FICD: variants seen among roughly 807,000 people sequenced by gnomAD.
FICD encodes the protein protein adenylyltransferase FICD.
In FICD, 13 loss-of-function variants were observed where a neutral mutation model predicts 28.0. The ratio of observed to expected loss-of-function variants is 0.46; its 90% confidence interval spans 0.30 to 0.74. FICD has a LOEUF of 0.74. Among genes scored for constraint, FICD ranks in the 30% least tolerant of loss-of-function variants. FICD has a pLI of 0.07. For synonymous variants in FICD, 268 were observed against 266.4 expected (o/e 1.01, Z -0.06); for missense variants, 576 against 624.5 (o/e 0.92, Z 0.83).
chr12:108,517,388 C>G (rs1177624073), intron 2 of FICD, 115 bp downstream of exon 2: 3 of 809,322 alleles, frequency 3.7e-6, no homozygotes, highest in Non-Finnish European at 5.3e-6. Context: ...GCCCTGAGCT[C>G]CTAGTATAGA....
chr12:108,518,696 AG>A lies in FICD; in HGVS notation c.599del (p.Ser200ThrfsTer3), dbSNP rs1565852935. On this transcript the variant is annotated frameshift_variant, in exon 3 of 3. Coordinates refer to ENST00000552695, the MANE Select transcript of FICD (RefSeq NM_007076.3). LOFTEE classifies it high-confidence loss of function. The surrounding 1 kb of genome is among the most constrained non-coding windows in gnomAD (Gnocchi z 4.4). ...CCAGAGGTATTTCAGCATCATCGAC[AG>A]CAAAGTGAAGAAGGTCATGTCCATC... ...IDQRYFSIIDSKVKKVMSIPK... is the reference protein window; with the variant it reads ...IDQRYFSIIDXKVKKVMSIPK... 1.2e-6 allele frequency: 2 copies of A among 1,614,228 alleles called. No individual in the cohort carries two copies. The highest frequency in any genetic ancestry group is 8.5e-7 in the Non-Finnish European group (1 of 1,180,046).
rs1871966972 is a variant in FICD, at chr12:108,518,164, A to G, written c.302-236A>G. ...CCAAGGAGGTGCCTCCCAGAATACA[A>G]GAGAGTGGCTCTGGGGACACACGGA... On this transcript the variant is annotated intron_variant, in intron 2 of 2. Coordinates refer to ENST00000552695, the MANE Select transcript of FICD (RefSeq NM_007076.3). The surrounding 1 kb of genome is among the most constrained non-coding windows in gnomAD (Gnocchi z 4.4). The G allele has an allele frequency of 1.4e-6, 1 of 702,582 alleles. No individual in the cohort carries two copies. The allele number at this position is 702,582 out of a possible 1,614,324, so 43.5% of individuals were successfully genotyped here. A position where few individuals can be genotyped will look rare whatever the true frequency, so the allele number is the denominator to read the frequency against.
rs561203857 is a variant in FICD, at chr12:108,517,602, C to T, written c.301+329C>T. ...AGGTTAGTTGTCATAACTGACATAACTGTCGTAAGAGAGCCTGGGGGCATT... is the reference window on the plus strand; with the variant it reads ...AGGTTAGTTGTCATAACTGACATAATTGTCGTAAGAGAGCCTGGGGGCATT... On this transcript the variant is annotated intron_variant, in intron 2 of 2. Coordinates refer to ENST00000552695, the MANE Select transcript of FICD (RefSeq NM_007076.3). 6 of 421,162 alleles carry T rather than the reference C, an allele frequency of 1.4e-5. 1 individual carries two copies. The South Asian group carries it at 5.8e-4, about 40-fold the overall frequency. The allele number at this position is 421,162 out of a possible 1,614,324, so 26.1% of individuals were successfully genotyped here.
intron 2 of FICD, chr12:108,517,515 G>T: frequency 2.4e-6 from 1 of 418,454 alleles, no homozygotes. Context: ...GGACCCAGTT[G>T]TTAAGTAGGA....
rs2136653677 is a variant in FICD, at chr12:108,519,142, A to G, written c.1044A>G (p.Pro348=). 1 of 1,614,232 alleles carries G rather than the reference A, an allele frequency of 6.2e-7. No homozygotes were observed. The highest frequency in any genetic ancestry group is 1.1e-5 in the South Asian group (1 of 91,090). ...CCGAGGAAGCCATGAACCTGCACCC[A>G]GTGGAGTTTGCAGCCTTAGCCCATT... ...LNSEEAMNLH[P]VEFAALAHYK... Residue 348 remains proline (P), a synonymous_variant, in exon 3 of 3, where the codon CCA becomes CCG. Coordinates refer to ENST00000552695, the MANE Select transcript of FICD (RefSeq NM_007076.3). This position sits in a 1 kb window ranked among gnomAD's most constrained non-coding sequence, Gnocchi z 4.5.
chr12:108,517,213 G>A lies in FICD; in HGVS notation c.241G>A (p.Glu81Lys), dbSNP rs1403419602. 6.3e-7 allele frequency: 1 copy of A among 1,577,540 alleles called. No individual in the cohort carries two copies. Among genetic ancestry groups the A allele is most frequent in the Non-Finnish European group, 8.6e-7 (1 of 1,161,012 alleles). Residue 81 changes from glutamate (E) to lysine (K), a missense_variant, in exon 2 of 3, where the codon GAG becomes AAG. Glu to Lys is a moderately conservative substitution (Grantham distance 56). Coordinates refer to ENST00000552695, the MANE Select transcript of FICD (RefSeq NM_007076.3). ...CACCAAGTGCACCAGCCCGTCCACGGAGCTCAGCATCACCTCCAGGGGCGC... is the reference window on the plus strand; with the variant it reads ...CACCAAGTGCACCAGCCCGTCCACGAAGCTCAGCATCACCTCCAGGGGCGC... ...AATKCTSPST[E>K]LSITSRGATL...
rs1358281908 is a variant in FICD at position 108,518,974 on chromosome 12, G to T, written c.876G>T (p.Glu292Asp). The T allele has an allele frequency of 6.2e-7, 1 of 1,614,106 alleles. No individual in the cohort carries two copies. Among genetic ancestry groups the T allele is most frequent in the African/African-American group, 1.3e-5 (1 of 74,938 alleles). ...CCGTCACCATCAGCGACGTGCTGGA[G>T]ATCCACAGGCGGGTGCTGGGCTACG... ...IGSVTISDVL[E>D]IHRRVLGYVD... The change falls in exon 3 of 3, where the codon GAG becomes GAT. Residue 292 changes from glutamate to aspartate, a missense_variant. Physicochemically the swap from Glu to Asp is conservative, Grantham distance 45. Coordinates refer to ENST00000552695, the MANE Select transcript of FICD (RefSeq NM_007076.3). This position sits in a 1 kb window ranked among gnomAD's most constrained non-coding sequence, Gnocchi z 4.4.
At chr12:108,517,463 G>T (rs1871945820) in intron 2 of FICD, 190 bp downstream of exon 2, 2 of 465,382 alleles carry the variant, frequency 4.3e-6, no homozygotes, top group Non-Finnish European at 3.6e-6. Flanking sequence ...GGCTGTAGGA[G>T]CATACCAGGA....
chr12:108,519,187 C>T lies in FICD; in HGVS notation c.1089C>T (p.His363=), dbSNP rs1872021096. The change falls in exon 3 of 3, where the codon CAC becomes CAT. Residue 363 remains histidine (H), a synonymous_variant. Transcript: ENST00000552695. The surrounding 1 kb of genome is among the most constrained non-coding windows in gnomAD (Gnocchi z 4.5). ...CCCATTATAAACTCGTTTACATCCACCCTTTCATTGATGGCAACGGGAGGA... is the reference window on the plus strand; with the variant it reads ...CCCATTATAAACTCGTTTACATCCATCCTTTCATTGATGGCAACGGGAGGA... The part of the protein sequence containing the change: ...ALAHYKLVYI[H]PFIDGNGRTS... 6.2e-7 allele frequency: 1 copy of T among 1,614,248 alleles called. No individual in the cohort carries two copies. Among genetic ancestry groups the T allele is most frequent in the African/African-American group, 1.3e-5 (1 of 75,070 alleles).
chr12:108,517,747 C>T (rs1871953285), intron 2 of FICD, among the ~76,000 whole-genome samples: 1 of 152,078 alleles, frequency 6.6e-6, no homozygotes, highest in South Asian at 2.1e-4. Context: ...GTGGTGGGGA[C>T]TGAAAGTGCA....
Position 108,517,181 on chromosome 12 carries a change from A to C in FICD, c.209A>C (p.His70Pro). 6.3e-6 allele frequency: 10 copies of C among 1,597,038 alleles called. No homozygotes were observed. The highest frequency in any genetic ancestry group is 8.5e-6 in the Non-Finnish European group (10 of 1,170,864). Residue 70 changes from histidine to proline, a missense_variant, in exon 2 of 3, where the codon CAT becomes CCT. Transcript: ENST00000552695. ...LLRSKPDRAQ[H>P]AATKCTSPST... ...AGGAGCAAACCGGACAGGGCGCAGC[A>C]TGCCGCCACCAAGTGCACCAGCCCG... is the stretch of plus-strand genomic sequence containing the variant.
rs1455130774 is a variant in FICD at position 108,516,950 on chromosome 12, A to G, written c.-23A>G. The G allele has an allele frequency of 1.4e-6, 2 of 1,450,652 alleles. No homozygotes were observed. The highest frequency in any genetic ancestry group is 1.4e-5 in the African/African-American group (1 of 70,304). The allele number at this position is 1,450,652 out of a possible 1,614,324, so 89.9% of individuals were successfully genotyped here. ...CTCTCAGCCGCCTGTGGACATGCGCAAAGGGCCCTCTCCTGAGTCCAGATG... is the reference window on the plus strand; with the variant it reads ...CTCTCAGCCGCCTGTGGACATGCGCGAAGGGCCCTCTCCTGAGTCCAGATG... On this transcript the variant is annotated 5_prime_UTR_variant, in exon 2 of 3. Transcript: ENST00000552695.
At chr12:108,516,326 C>T (rs1255195499) in intron 1 of FICD, among the ~76,000 whole-genome samples, 1 of 152,202 alleles carries the variant, frequency 6.6e-6, no homozygotes, top group Non-Finnish European at 1.5e-5. Flanking sequence ...TGAGGCCACC[C>T]AACAATTGTG....
rs984237418 is a variant in FICD at position 108,519,246 on chromosome 12, A to C, written c.1148A>C (p.Gln383Pro). ...CTGCTCATGAACCTCATCCTCATGC[A>C]GGCGGGCTACCCGCCCATCACCATC... ...SRLLMNLILM[Q>P]AGYPPITIRK... Residue 383 changes from glutamine (Q) to proline (P), a missense_variant, in exon 3 of 3, where the codon CAG (glutamine) becomes CCG (proline). Physicochemically the swap from Gln to Pro is moderately conservative, Grantham distance 76. Coordinates refer to ENST00000552695, the MANE Select transcript of FICD (RefSeq NM_007076.3). The surrounding 1 kb of genome is among the most constrained non-coding windows in gnomAD (Gnocchi z 4.5). The C allele has an allele frequency of 1.2e-6, 2 of 1,614,248 alleles. No homozygotes were observed. Among genetic ancestry groups the C allele is most frequent in the South Asian group, 2.2e-5 (2 of 91,086 alleles).
rs555828094 is a variant in FICD, at chr12:108,517,326, T to C, written c.301+53T>C. ...TGCTTGTTAACTGGATAGACAGACATAGAATGTGTCATGTCCTGTATGTGG... is the reference window on the plus strand; with the variant it reads ...TGCTTGTTAACTGGATAGACAGACACAGAATGTGTCATGTCCTGTATGTGG... On this transcript the variant is annotated intron_variant, in intron 2 of 2. Transcript: ENST00000552695. 5.4e-5 allele frequency: 76 copies of C among 1,398,196 alleles called. No individual in the cohort carries two copies. In the Admixed American group the frequency reaches 2.0e-3, roughly 36 times the overall value. 86.6% of individuals were successfully genotyped at this position (1,398,196 alleles called of 1,614,324 possible). A position where few individuals can be genotyped will look rare whatever the true frequency, so the allele number is the denominator to read the frequency against.
In FICD at chr12:108,519,479, T is replaced by G; in HGVS notation, c.*4T>G. 6.3e-7 allele frequency: 1 copy of G among 1,586,304 alleles called. No homozygotes were observed. The highest frequency in any genetic ancestry group is 1.8e-5 in the Admixed American group (1 of 56,906). On this transcript the variant is annotated 3_prime_UTR_variant, in exon 3 of 3. Transcript: ENST00000552695. The surrounding 1 kb of genome is among the most constrained non-coding windows in gnomAD (Gnocchi z 4.5). Reference sequence around the variant, plus strand: ...GACGCTTCCTGTGAAGCCCTAACCCTAGAAATCCTCAGTGACAAAGGCTGT... The same window carrying G: ...GACGCTTCCTGTGAAGCCCTAACCCGAGAAATCCTCAGTGACAAAGGCTGT...
rs1187594835 is a variant in FICD, at chr12:108,518,131, C to T, written c.302-269C>T. 3 of 702,180 alleles carry T rather than the reference C, an allele frequency of 4.3e-6. No homozygotes were observed. In the African/African-American group the frequency reaches 5.2e-5, roughly 12 times the overall value. 43.5% of individuals were successfully genotyped at this position (702,180 alleles called of 1,614,324 possible). A position where few individuals can be genotyped will look rare whatever the true frequency, so the allele number is the denominator to read the frequency against. ...CTTTCTATGTCCAGAAAGCAGGAGG[C>T]TAGGAAGCCAAGGAGGTGCCTCCCA... On this transcript the variant is annotated intron_variant, in intron 2 of 2. Coordinates refer to ENST00000552695, the MANE Select transcript of FICD (RefSeq NM_007076.3). The surrounding 1 kb of genome is among the most constrained non-coding windows in gnomAD (Gnocchi z 4.4).
Position 108,518,342 on chromosome 12 carries a change from G to A in FICD, c.302-58G>A, listed in dbSNP as rs571373100. The A allele has an allele frequency of 1.2e-4, 166 of 1,437,026 alleles. No individual in the cohort carries two copies. The highest frequency in any genetic ancestry group is 2.9e-4 in the South Asian group (25 of 86,850). 89.0% of individuals were successfully genotyped at this position (1,437,026 alleles called of 1,614,324 possible). A position where few individuals can be genotyped will look rare whatever the true frequency, so the allele number is the denominator to read the frequency against. On this transcript the variant is annotated intron_variant, in intron 2 of 2. Transcript: ENST00000552695. The surrounding 1 kb of genome is among the most constrained non-coding windows in gnomAD (Gnocchi z 4.4). ...AGACCAGCACAGGGGACAGCCCCCC[G>A]AATGTCCTCTGCCCCCTAGCCTCCC...
At chr12:108,516,432 C>G (rs1422812953) in intron 1 of FICD, among the ~76,000 whole-genome samples, 1 of 152,166 alleles carries the variant, frequency 6.6e-6, no homozygotes, top group Non-Finnish European at 1.5e-5. Context: ...GTCCACAAAT[C>G]CAGTGTTTGT....
Sources: gnomAD v4.1 joint callset for allele counts (sites outside exome capture counted in the v4.1 genomes callset) on GRCh38, gnomAD v4.1.1 for gene constraint, Gnocchi (gnomAD v3.1) non-coding constraint, MANE v1.5 for transcripts, NCBI Gene and HGNC (gene_info 2026-07-23, HGNC 2026-07-21) for gene names.